Variants in ARHGEF12 observed in about 807,000 individuals in gnomAD.
ARHGEF12 encodes KMT2A/ARHGEF12 fusion protein.
In ARHGEF12, 66 loss-of-function variants were observed where a neutral mutation model predicts 211.2. That is an observed-to-expected ratio of 0.31 (90% CI 0.26 to 0.38). The LOEUF is 0.38. ARHGEF12 is among the 10% of genes least tolerant of loss of function. The pLI is 1.00. For synonymous variants in ARHGEF12, 592 were observed against 638.4 expected, an observed-to-expected ratio of 0.93 and a Z score of 1.09; for missense variants, 1,429 against 1,869.5, an observed-to-expected ratio of 0.76 and a Z score of 4.34.
intron 1 of ARHGEF12, chr11:120,385,624 ATTAT>A (rs1944007506): frequency 4.7e-6 from 2 of 427,610 alleles, no homozygotes; most frequent in Admixed American, 6.4e-5. Context: ...ATTGTTCATT[ATTAT>A]TTCTCACAAC....
At chr11:120,477,739 G>T in intron 36 of ARHGEF12, 1 of 452,124 alleles carries the variant, frequency 2.2e-6, no homozygotes, top group Non-Finnish European at 3.9e-6. Flanking sequence ...GGTGGTAGGT[G>T]CCTGTAATCC....
chr11:120,470,946 T>C (rs1316127118), intron 30 of ARHGEF12, among the ~76,000 whole-genome samples: 1 of 152,178 alleles, frequency 6.6e-6, no homozygotes, highest in Non-Finnish European at 1.5e-5. Context: ...AAAGCCTAAC[T>C]GACATTTTAC....
At chr11:120,383,121 A>T (rs1187794530) in intron 1 of ARHGEF12, among the ~76,000 whole-genome samples, 1 of 152,180 alleles carries the variant, frequency 6.6e-6, no homozygotes, top group East Asian at 1.9e-4. Context: ...CCTGGGCGAC[A>T]GAGCCAGACT....
chr11:120,407,692 A>G (rs1206355912), intron 2 of ARHGEF12, 46 bp from the exon 3 acceptor site: 1 of 1,423,462 alleles, frequency 7.0e-7, no homozygotes, highest in East Asian at 2.3e-5. Flanking sequence ...TTTTTATTCT[A>G]ATGATTTTCT....
rs1016701678 is a variant in ARHGEF12, at chr11:120,486,799, A to G, written c.*1722A>G. ...TTAACAAGTTTATTTATCTATGTCC[A>G]GATTTCTGTTTCTGTCCTAAATTGA... On this transcript the variant is annotated 3_prime_UTR_variant, in exon 41 of 41. Coordinates refer to ENST00000397843, the MANE Select transcript of ARHGEF12 (RefSeq NM_015313.3). The G allele has an allele frequency of 5.1e-5, 11 of 217,280 alleles. No individual in the cohort carries two copies. The highest frequency in any genetic ancestry group is 1.4e-3 in the Middle Eastern group (1 of 692). The allele number at this position is 217,280 out of a possible 1,614,324, so 13.5% of individuals were successfully genotyped here.
At chr11:120,470,458 G>T (rs1351047202) in intron 30 of ARHGEF12, among the ~76,000 whole-genome samples, 1 of 152,320 alleles carries the variant, frequency 6.6e-6, no homozygotes, top group Admixed American at 6.5e-5. Flanking sequence ...GAAGCCCCAC[G>T]TTTGTGGGGA....
rs370997007 is a variant in ARHGEF12, at chr11:120,420,832, C to T, written c.279C>T (p.Phe93=). The T allele has an allele frequency of 5.1e-5, 82 of 1,613,872 alleles. No homozygotes were observed. The highest frequency in any genetic ancestry group is 5.3e-5 in the Non-Finnish European group (63 of 1,179,940). Residue 93 remains phenylalanine, a synonymous_variant, in exon 5 of 41, where the codon TTC becomes TTT. Coordinates refer to ENST00000397843, the MANE Select transcript of ARHGEF12 (RefSeq NM_015313.3). ...CGGTCAGTGGAGACAATCCAGTCTT[C>T]GTACAGTCTGTCAAAGAAGGCAAGG... ...GLTVSGDNPV[F]VQSVKEDGAA...
At chr11:120,409,350 C>G in intron 3 of ARHGEF12, 44 bp from the exon 4 acceptor site, 1 of 1,599,060 alleles carries the variant, frequency 6.3e-7, no homozygotes, top group East Asian at 2.2e-5. Flanking sequence ...TACATTGTCT[C>G]CATATTTTCT....
chr11:120,394,871 A>C (rs567544181), intron 1 of ARHGEF12, among the ~76,000 whole-genome samples: 2 of 152,060 alleles, frequency 1.3e-5, no homozygotes, highest in Admixed American at 6.5e-5. Flanking sequence ...CAGCCTGGCC[A>C]ACATGGTGAG....
intron 11 of ARHGEF12, among the ~76,000 whole-genome samples, chr11:120,432,160 G>A (rs1326936223): frequency 2.0e-5 from 3 of 152,122 alleles, no homozygotes; most frequent in Admixed American, 6.5e-5. Flanking sequence ...TTCCCAGCAG[G>A]CATCTTGTTC....
intron 1 of ARHGEF12, among the ~76,000 whole-genome samples, chr11:120,386,468 C>T (rs777361393): frequency 7.2e-5 from 11 of 152,084 alleles, no homozygotes; most frequent in Non-Finnish European, 1.6e-4. Context: ...TTGATTATTT[C>T]CATCATGGTG....
rs2135592385 is a variant in ARHGEF12, at chr11:120,410,372, A to G, written c.199+922A>G. The stretch of plus-strand genomic sequence containing the variant: ...ACCTGGAGCTAAGATTTTAAAAATA[A>G]TTTCTGAAAGACTGATAAATTATTT... On this transcript the variant is annotated intron_variant, in intron 4 of 40. Coordinates refer to ENST00000397843, the MANE Select transcript of ARHGEF12 (RefSeq NM_015313.3). 1.3e-5 allele frequency: 2 copies of G among 151,930 alleles called. 1 individual carries two copies. 9.4% of individuals were successfully genotyped at this position (151,930 alleles called of 1,614,324 possible).
chr11:120,398,476 A>G (rs1219081561), intron 1 of ARHGEF12, among the ~76,000 whole-genome samples: 2 of 152,190 alleles, frequency 1.3e-5, no homozygotes, highest in South Asian at 4.1e-4. Context: ...CATGCATATA[A>G]TTAATTTCCT....
intron 1 of ARHGEF12, among the ~76,000 whole-genome samples, chr11:120,343,061 A>G (rs1942585479): frequency 6.7e-6 from 1 of 150,328 alleles, no homozygotes; most frequent in South Asian, 2.1e-4. Flanking sequence ...GCTTAGCAGT[A>G]TTTTTTTTTT....
intron 34 of ARHGEF12, chr11:120,476,996 C>T: frequency 1.7e-6 from 1 of 592,666 alleles, no homozygotes; most frequent in East Asian, 2.8e-5. Context: ...TTTAATGTGT[C>T]CATAGATTTC....
chr11:120,487,834 TCAG>T lies in ARHGEF12; in HGVS notation c.*2760_*2762del, dbSNP rs1460614898. On this transcript the variant is annotated 3_prime_UTR_variant, in exon 41 of 41. Transcript: ENST00000397843. ...TCAGAGAACAGTTAATCAAGGCAAA[TCAG>T]CAAGCCCCCAAAGTGCTGTAATTTA... is the stretch of plus-strand genomic sequence containing the variant. 4.5e-6 allele frequency: 1 copy of T among 219,872 alleles called. No homozygotes were observed. The highest frequency in any genetic ancestry group is 9.1e-6 in the Non-Finnish European group (1 of 109,810). 13.6% of individuals were successfully genotyped at this position (219,872 alleles called of 1,614,324 possible).
chr11:120,351,559 C>G (rs1942973997), intron 1 of ARHGEF12, among the ~76,000 whole-genome samples: 1 of 147,712 alleles, frequency 6.8e-6, no homozygotes, highest in African/African-American at 2.5e-5. Context: ...GAACCTCCAC[C>G]TCCCTGGTTC....
intron 36 of ARHGEF12, among the ~76,000 whole-genome samples, 155 bp from the exon 37 acceptor site, chr11:120,478,001 A>G (rs1947108016): frequency 6.6e-6 from 1 of 151,996 alleles, no homozygotes; most frequent in South Asian, 2.1e-4. Context: ...GTGTGTCAGT[A>G]TAACACTGTT....
rs1943751846 is a variant in ARHGEF12 at position 120,377,254 on chromosome 11, C to T, written c.33-28864C>T. ...CATTTCCATCACCCCAAAAAATTGT[C>T]TCTGCTTTCTGTCACAATAGTTTTG... On this transcript the variant is annotated intron_variant, in intron 1 of 40. Coordinates refer to ENST00000397843, the MANE Select transcript of ARHGEF12 (RefSeq NM_015313.3). Among the ~76,000 whole-genome samples the T allele has an allele frequency of 1.3e-5, 2 of 152,170 alleles. 1 individual carries two copies. Among genetic ancestry groups the T allele is most frequent in the Admixed American group, 1.3e-4 (2 of 15,280 alleles).
Sources: gnomAD v4.1 joint callset for allele counts (sites outside exome capture counted in the v4.1 genomes callset) on GRCh38, gnomAD v4.1.1 for gene constraint, MANE v1.5 for transcripts, NCBI Gene and HGNC (gene_info 2026-07-23, HGNC 2026-07-21) for gene names.